Variants in JARID2 observed in about 807,000 individuals in gnomAD.
JARID2 encodes protein Jumonji.
In JARID2, 21 loss-of-function variants were observed where a neutral mutation model predicts 125.6. The observed-to-expected ratio is 0.17, with a 90% confidence interval of 0.12 to 0.24. JARID2 has a LOEUF of 0.24. Ranked by LOEUF, JARID2 falls within the 10% of genes least tolerant of loss-of-function variation. The probability of loss-of-function intolerance (pLI) is 1.00; values close to 1 mark genes in which losing one functional copy is unlikely to be tolerated. For missense variants in JARID2, 1,303 were observed against 1,639.6 expected (o/e 0.79, Z 3.55); for synonymous variants, 736 against 661.6 (o/e 1.11, Z -1.73).
chr6:15,357,556 G>T (rs1489568064), intron 1 of JARID2, among the ~76,000 whole-genome samples: 1 of 152,020 alleles, frequency 6.6e-6, no homozygotes, highest in African/African-American at 2.4e-5. Flanking sequence ...GAAGCTGTTT[G>T]TAAAAGGGAA....
intron 1 of JARID2, among the ~76,000 whole-genome samples, chr6:15,342,561 AGTG>A (rs1233329595): frequency 6.6e-6 from 1 of 152,236 alleles, no homozygotes; most frequent in Non-Finnish European, 1.5e-5. Context: ...GTAACAAAGT[AGTG>A]AGCTTAGTGC....
At chr6:15,505,347 G>GTTTTTTTTTTTTTTTT (rs35966561) in intron 9 of JARID2, 1 of 139,746 alleles carries the variant, frequency 7.2e-6, no homozygotes. Flanking sequence ...CTTTTGCTGT[G>GTTTTTTTTTTTTTTTT]TTTTTTTTTT....
intron 2 of JARID2, among the ~76,000 whole-genome samples, chr6:15,407,970 AAGGAAACTTC>A (rs1370021438): frequency 2.6e-5 from 4 of 152,148 alleles, no homozygotes; most frequent in African/African-American, 9.7e-5. Flanking sequence ...CTATTGAAAA[AAGGAAACTTC>A]AGGTCAGGTG....
chr6:15,413,223 T>C (rs1234110449), intron 3 of JARID2, among the ~76,000 whole-genome samples: 1 of 152,036 alleles, frequency 6.6e-6, no homozygotes, highest in Non-Finnish European at 1.5e-5. Context: ...TTCTCCATGT[T>C]GGTCAGGCTG....
chr6:15,292,932 T>C (rs1561775110), intron 1 of JARID2, among the ~76,000 whole-genome samples: 1 of 152,194 alleles, frequency 6.6e-6, no homozygotes, highest in Non-Finnish European at 1.5e-5. Flanking sequence ...ACCTTCCAAA[T>C]TGCTGAGATT....
chr6:15,312,577 T>C (rs539225277), intron 1 of JARID2, among the ~76,000 whole-genome samples: 7 of 152,188 alleles, frequency 4.6e-5, no homozygotes, highest in Non-Finnish European at 1.0e-4. Context: ...GCTTTGCCTG[T>C]TGTAAATGCC....
At chr6:15,483,584 A>G (rs989681939) in intron 5 of JARID2, among the ~76,000 whole-genome samples, 3 of 152,222 alleles carry the variant, frequency 2.0e-5, no homozygotes, top group African/African-American at 2.4e-5. Flanking sequence ...GCATGTATCA[A>G]TACTTGATTT....
At chr6:15,479,996 C>A (rs1008307280) in intron 5 of JARID2, among the ~76,000 whole-genome samples, 11 of 152,206 alleles carry the variant, frequency 7.2e-5, no homozygotes, top group Non-Finnish European at 1.3e-4. Flanking sequence ...TGTACAGTAA[C>A]AGGGATTTAA....
intron 2 of JARID2, among the ~76,000 whole-genome samples, chr6:15,406,839 T>A (rs72836316): frequency 0.11 from 16,634 of 152,256 alleles, 1,089 homozygotes; most frequent in Non-Finnish European, 0.14. Flanking sequence ...ACATTTATGC[T>A]TCTTAGACAT....
chr6:15,398,284 T>C (rs1467832173), intron 2 of JARID2, among the ~76,000 whole-genome samples: 1 of 152,246 alleles, frequency 6.6e-6, no homozygotes, highest in Non-Finnish European at 1.5e-5. Context: ...TATGACTTGC[T>C]CTGATATTTC....
intron 17 of JARID2, 30 bp downstream of exon 17, chr6:15,517,298 G>GACTGA: frequency 6.7e-7 from 1 of 1,503,746 alleles, no homozygotes. Flanking sequence ...GTAGGGCAGG[G>GACTGA]CGGCAGCGTG....
intron 1 of JARID2, among the ~76,000 whole-genome samples, chr6:15,281,684 G>T (rs1760756249): frequency 6.6e-6 from 1 of 152,154 alleles, no homozygotes; most frequent in Non-Finnish European, 1.5e-5. Flanking sequence ...ATCTTTCCAT[G>T]CCATTCTATT....
At chr6:15,302,849 C>T (rs367882561) in intron 1 of JARID2, among the ~76,000 whole-genome samples, 99 of 152,172 alleles carry the variant, frequency 6.5e-4, no homozygotes, top group African/African-American at 2.0e-3. Context: ...ATTCTTCTGC[C>T]GCAGCCTCCC....
chr6:15,389,705 C>T (rs989966865), intron 2 of JARID2, among the ~76,000 whole-genome samples: 1 of 152,222 alleles, frequency 6.6e-6, no homozygotes, highest in African/African-American at 2.4e-5. Context: ...TTCACTCTGC[C>T]TGAACTCTTT....
intron 2 of JARID2, among the ~76,000 whole-genome samples, chr6:15,394,393 G>C (rs1036407591): frequency 6.6e-6 from 1 of 152,146 alleles, no homozygotes; most frequent in Admixed American, 6.5e-5. Flanking sequence ...GCCTCGGGAG[G>C]ATCGCTTCAG....
chr6:15,318,664 C>G (rs1008848363), intron 1 of JARID2, among the ~76,000 whole-genome samples: 10 of 152,058 alleles, frequency 6.6e-5, no homozygotes, highest in African/African-American at 2.2e-4. Context: ...TGAGGCAGGC[C>G]GGATTCACTG....
chr6:15,361,070 G>C (rs1763774524), intron 1 of JARID2, among the ~76,000 whole-genome samples: 1 of 152,160 alleles, frequency 6.6e-6, no homozygotes, highest in African/African-American at 2.4e-5. Context: ...GTCTGTAACA[G>C]GTAACAGCAC....
At chr6:15,470,132 G>A (rs947408651) in intron 5 of JARID2, among the ~76,000 whole-genome samples, 24 of 150,404 alleles carry the variant, frequency 1.6e-4, no homozygotes, top group African/African-American at 5.6e-4. Context: ...AGCAGAGATC[G>A]TGCCACTGCA....
chr6:15,468,849 T>A (rs1768876876), intron 5 of JARID2, 131 bp downstream of exon 5: 1 of 812,908 alleles, frequency 1.2e-6, no homozygotes. Context: ...GCCAGACACT[T>A]CATGGGCAAA....
Sources: allele counts gnomAD v4.1 joint callset (sites outside exome capture counted in the v4.1 genomes callset), GRCh38; gene constraint gnomAD v4.1.1; transcripts MANE v1.5; gene names NCBI Gene and HGNC (gene_info 2026-07-23, HGNC 2026-07-21).